Variants in EHD3 observed in about 807,000 individuals in gnomAD.
EHD3 encodes EH domain containing 3.
Under a neutral mutation model 43.0 loss-of-function variants are expected in EHD3, and 17 were observed. The observed-to-expected ratio is 0.40, with a 90% CI of 0.27 to 0.59. The LOEUF is 0.59. EHD3 is among the 20% of genes least tolerant of loss of function. EHD3 has a pLI of 0.49. For synonymous variants in EHD3, 313 were observed against 289.5 expected, an observed-to-expected ratio of 1.08 and a Z score of -0.82; for missense variants, 594 against 705.6, an observed-to-expected ratio of 0.84 and a Z score of 1.79.
chr2:31,266,761 T>TACACACACACACAC lies in EHD3; in HGVS notation c.*77_*90dup, dbSNP rs67643147. The TACACACACACACAC allele has an allele frequency of 1.3e-5, 15 of 1,179,146 alleles. No homozygotes were observed. Among genetic ancestry groups the TACACACACACACAC allele is most frequent in the African/African-American group, 1.6e-5 (1 of 61,396 alleles). The allele number at this position is 1,179,146 out of a possible 1,614,324, so 73.0% of individuals were successfully genotyped here. A position where few individuals can be genotyped will look rare whatever the true frequency, so the allele number is the denominator to read the frequency against. On this transcript the variant is annotated 3_prime_UTR_variant, in exon 6 of 6. Transcript: ENST00000322054. The surrounding 1 kb of genome is among the most constrained non-coding windows in gnomAD (Gnocchi z 5.1). The stretch of plus-strand genomic sequence containing the variant: ...TAGAGGAGGAGATGGGAGCGGTGAC[T>TACACACACACACAC]ACACACACACACACACACACACACA...
chr2:31,249,361 G>A lies in EHD3; in HGVS notation c.405-10G>A. 7 of 1,613,894 alleles carry A rather than the reference G, an allele frequency of 4.3e-6. No homozygotes were observed. Among genetic ancestry groups the A allele is most frequent in the Non-Finnish European group, 5.9e-6 (7 of 1,179,806 alleles). ...GCGAGTACTCACCCAGGTTACCTCT[G>A]CCCATGCAGGTTCGTGTGTGCCCAG... On this transcript the variant is annotated splice_polypyrimidine_tract_variant and intron_variant, in intron 2 of 5. Coordinates refer to ENST00000322054, the MANE Select transcript of EHD3 (RefSeq NM_014600.3).
At position 31,260,544 on chromosome 2, in the gene EHD3, C is replaced by G. The variant is rs556019532; in HGVS notation, c.537C>G (p.Ala179=). The G allele has an allele frequency of 6.2e-7, 1 of 1,611,304 alleles. No homozygotes were observed. Among genetic ancestry groups the G allele is most frequent in the Non-Finnish European group, 8.5e-7 (1 of 1,178,198 alleles). The stretch of plus-strand genomic sequence containing the variant: ...TTGCAGCTGTCCTTGAGTGGTTTGC[C>G]GAGCGGGTTGACCGCATCATTCTGC... ...YDFAAVLEWF[A]ERVDRIILLF... The change falls in exon 4 of 6, where the codon GCC becomes GCG. Residue 179 remains alanine (A), a synonymous_variant. Coordinates refer to ENST00000322054, the MANE Select transcript of EHD3 (RefSeq NM_014600.3). The surrounding 1 kb of genome is among the most constrained non-coding windows in gnomAD (Gnocchi z 4.6).
At chr2:31,245,553 A>ATATATATATATTT (rs1446415610) in intron 2 of EHD3, among the ~76,000 whole-genome samples, 4 of 35,052 alleles carry the variant, frequency 1.1e-4, no homozygotes, top group African/African-American at 2.7e-4. Flanking sequence ...ATATATATAT[A>ATATATATATATTT]TTTTTTTTTT....
chr2:31,248,841 G>T (rs1558648720), intron 2 of EHD3, among the ~76,000 whole-genome samples: 1 of 152,198 alleles, frequency 6.6e-6, no homozygotes, highest in Non-Finnish European at 1.5e-5. Flanking sequence ...AGGCTCCCCA[G>T]ACCCTGACTC....
chr2:31,244,389 G>C lies in EHD3; in HGVS notation c.343G>C (p.Val115Leu). The change falls in exon 2 of 6, where the codon GTG becomes CTG. Residue 115 changes from valine to leucine, a missense_variant. Coordinates refer to ENST00000322054, the MANE Select transcript of EHD3 (RefSeq NM_014600.3). ...MEGIIPGNAL[V>L]VDPKKPFRKL... The stretch of plus-strand genomic sequence containing the variant: ...GGGGATCATCCCTGGGAACGCCCTG[G>C]TGGTGGATCCCAAGAAACCCTTCAG... The C allele has an allele frequency of 6.2e-7, 1 of 1,614,216 alleles. No homozygotes were observed. The highest frequency in any genetic ancestry group is 8.5e-7 in the Non-Finnish European group (1 of 1,180,036).
Position 31,244,445 on chromosome 2 carries a change from G to T in EHD3, c.399G>T (p.Leu133Phe), listed in dbSNP as rs1683480886. 3 of 1,613,704 alleles carry T rather than the reference G, an allele frequency of 1.9e-6. No individual in the cohort carries two copies. Among genetic ancestry groups the T allele is most frequent in the African/African-American group, 2.7e-5 (2 of 74,932 alleles). The change falls in exon 2 of 6, where the codon TTG becomes TTT. Residue 133 changes from leucine (L) to phenylalanine (F), a missense_variant. Physicochemically the swap from Leu to Phe is conservative, Grantham distance 22 (BLOSUM62 0). Transcript: ENST00000322054. The stretch of plus-strand genomic sequence containing the variant: ...TCAACGCCTTTGGCAACGCCTTCTT[G>T]AACAGGTGAGTGTGGAGGGAACACA... ...RKLNAFGNAF[L>F]NRFVCAQLPN...
chr2:31,249,348 C>A, intron 2 of EHD3, 23 bp from the exon 3 acceptor site: 1 of 1,611,386 alleles, frequency 6.2e-7, no homozygotes, highest in African/African-American at 1.3e-5. Flanking sequence ...GAGTACTCAC[C>A]CAGGTTACCT....
In EHD3 at chr2:31,267,878, C is replaced by G. The variant is rs1683986375; in HGVS notation, c.*1174C>G. The G allele has an allele frequency of 6.6e-6, 1 of 152,286 alleles. No individual in the cohort carries two copies. The highest frequency in any genetic ancestry group is 2.4e-5 in the African/African-American group (1 of 41,478). The allele number at this position is 152,286 out of a possible 1,614,324, so 9.4% of individuals were successfully genotyped here. On this transcript the variant is annotated 3_prime_UTR_variant, in exon 6 of 6. Coordinates refer to ENST00000322054, the MANE Select transcript of EHD3 (RefSeq NM_014600.3). ...ATCAGTCTGGCCATCTGTCACGTCA[C>G]AGAAGCAAACCGTGCCTTCTGGCTC...
rs370908554 is a variant in EHD3 at position 31,258,411 on chromosome 2, CT to C, written c.503-2094del. Among the ~76,000 whole-genome samples the C allele has an allele frequency of 3.0e-4, 46 of 152,266 alleles. 1 individual carries two copies. The East Asian group carries it at 8.7e-3, about 29-fold the overall frequency. ...TAGATGCCACAGGGTGGGGGAAAGG[CT>C]TTTTAAACCTAGCTCCGTTGGCTCC... is the stretch of plus-strand genomic sequence containing the variant. On this transcript the variant is annotated intron_variant, in intron 3 of 5. Transcript: ENST00000322054.
intron 2 of EHD3, among the ~76,000 whole-genome samples, chr2:31,246,058 T>C (rs942001567): frequency 6.6e-6 from 1 of 151,918 alleles, no homozygotes; most frequent in Non-Finnish European, 1.5e-5. Flanking sequence ...CGCTGAGAAA[T>C]CTTGGGAACT....
intron 1 of EHD3, among the ~76,000 whole-genome samples, chr2:31,239,474 G>A (rs1683378192): frequency 6.6e-6 from 1 of 152,242 alleles, no homozygotes; most frequent in Admixed American, 6.5e-5. Context: ...CTTAGGGGCT[G>A]CCTTGAAAGT....
intron 1 of EHD3, among the ~76,000 whole-genome samples, chr2:31,243,845 T>G (rs2148716940): frequency 6.6e-6 from 1 of 152,272 alleles, no homozygotes; most frequent in East Asian, 1.9e-4. Context: ...ACCGGTTAAA[T>G]AAAGACCTAT....
At chr2:31,262,302 A>G (rs1232481764) in intron 5 of EHD3, among the ~76,000 whole-genome samples, 1 of 152,170 alleles carries the variant, frequency 6.6e-6, no homozygotes, top group East Asian at 1.9e-4. Context: ...AGGTCTCAGC[A>G]TTTTCTGAGT....
chr2:31,258,019 C>T (rs550214494), intron 3 of EHD3, among the ~76,000 whole-genome samples: 1 of 152,284 alleles, frequency 6.6e-6, no homozygotes, highest in African/African-American at 2.4e-5. Flanking sequence ...GGCTAAGCTC[C>T]TCGTAGCCTC....
intron 3 of EHD3, among the ~76,000 whole-genome samples, chr2:31,255,411 G>C: frequency 6.6e-6 from 1 of 152,182 alleles, no homozygotes; most frequent in East Asian, 1.9e-4. Context: ...TGTTGCCACA[G>C]CTCTACCACA....
At chr2:31,263,425 T>C (rs1437862331) in intron 5 of EHD3, among the ~76,000 whole-genome samples, 1 of 152,242 alleles carries the variant, frequency 6.6e-6, no homozygotes, top group Non-Finnish European at 1.5e-5. Flanking sequence ...GAATCCACAA[T>C]GTAAACAGCT....
chr2:31,236,346 G>C (rs1683324593), intron 1 of EHD3, among the ~76,000 whole-genome samples: 1 of 152,244 alleles, frequency 6.6e-6, no homozygotes, highest in Non-Finnish European at 1.5e-5. Context: ...AGGCCTTAGA[G>C]ATTAAACTAA....
intron 5 of EHD3, among the ~76,000 whole-genome samples, chr2:31,264,794 A>C (rs1477490771): frequency 6.6e-6 from 1 of 151,966 alleles, no homozygotes; most frequent in Non-Finnish European, 1.5e-5. Flanking sequence ...CAGCCTCCCA[A>C]AGTGCTGGGA....
At chr2:31,245,847 C>T (rs1683513544) in intron 2 of EHD3, among the ~76,000 whole-genome samples, 1 of 148,574 alleles carries the variant, frequency 6.7e-6, no homozygotes, top group South Asian at 2.1e-4. Flanking sequence ...TCCCAAAGTG[C>T]TGGGATTACA....
Sources: allele counts gnomAD v4.1 joint callset (sites outside exome capture counted in the v4.1 genomes callset), GRCh38; gene constraint gnomAD v4.1.1; non-coding constraint Gnocchi (gnomAD v3.1); transcripts MANE v1.5; gene names NCBI Gene and HGNC (gene_info 2026-07-23, HGNC 2026-07-21).